The following NTM variants were observed in gnomAD, a reference collection of about 807,000 sequenced individuals.
The protein encoded by NTM is IgLON family member 2.
Under a neutral mutation model 42.1 loss-of-function variants are expected in NTM, and 13 were observed. The ratio of observed to expected loss-of-function variants is 0.31; its 90% CI spans 0.20 to 0.49. The LOEUF (loss-of-function observed/expected upper bound fraction) is 0.49. Among genes scored for constraint, NTM ranks in the 20% least tolerant of loss-of-function variants. The pLI is 0.99. For synonymous variants in NTM, 187 were observed against 179.2 expected (o/e 1.04, Z -0.35); for missense variants, 373 against 452.8 (o/e 0.82, Z 1.60).
At chr11:131,487,026 AC>A (rs1049034809) in intron 1 of NTM, among the ~76,000 whole-genome samples, 2 of 152,084 alleles carry the variant, frequency 1.3e-5, no homozygotes, top group Admixed American at 1.3e-4. Flanking sequence ...AGCACCACGC[AC>A]CCACTTGCTC....
chr11:131,856,930 A>T (rs546811226), intron 1 of NTM, among the ~76,000 whole-genome samples: 4 of 152,222 alleles, frequency 2.6e-5, no homozygotes, highest in Non-Finnish European at 4.4e-5. Context: ...GCTGGCAGCC[A>T]GGTATACATT....
chr11:131,732,445 A>T (rs1382353731), intron 1 of NTM, among the ~76,000 whole-genome samples: 1 of 152,150 alleles, frequency 6.6e-6, no homozygotes, highest in Non-Finnish European at 1.5e-5. Context: ...TGTCTTTCTC[A>T]GCCTCATTGG....
rs184464700 is a variant in NTM, at chr11:131,480,498, C to A, written c.82+109610C>A. On this transcript the variant is annotated intron_variant, in intron 1 of 8. Transcript: ENST00000683400. ...TTTGGGTCTCCCATGACGAAACTCA[C>A]GTGCAGCTTGTGTACAACTTCCCTA... is the stretch of plus-strand genomic sequence containing the variant. Among the ~76,000 whole-genome samples the A allele has an allele frequency of 3.3e-5, 5 of 152,316 alleles. No individual in the cohort carries two copies. In the East Asian group the frequency reaches 5.8e-4, roughly 18 times the overall value.
At position 131,807,078 on chromosome 11, in the gene NTM, A is replaced by C. The variant is rs371185507; in HGVS notation, c.83-104486A>C. ...GGAAGAAACACAGGGCAGTCAAGCT[A>C]AGAAGAGAAGGAACATTCCAGTCCA... is the stretch of plus-strand genomic sequence containing the variant. On this transcript the variant is annotated intron_variant, in intron 1 of 8. Transcript: ENST00000683400. Among the ~76,000 whole-genome samples, 3 of 152,284 alleles carry C rather than the reference A, an allele frequency of 2.0e-5. No individual in the cohort carries two copies. In the East Asian group the frequency reaches 5.8e-4, roughly 29 times the overall value.
chr11:131,750,045 C>T (rs112110143), intron 1 of NTM, among the ~76,000 whole-genome samples: 2 of 152,156 alleles, frequency 1.3e-5, no homozygotes, highest in African/African-American at 4.8e-5. Flanking sequence ...TGTCTGGGAA[C>T]CCTGTGAGCC....
intron 1 of NTM, among the ~76,000 whole-genome samples, chr11:131,720,404 T>A (rs789552): frequency 1.3e-5 from 2 of 152,202 alleles, no homozygotes; most frequent in East Asian, 1.9e-4. Context: ...GAGGTTGCCC[T>A]GGAAAACAGA....
chr11:132,055,141 T>G (rs942594603), intron 2 of NTM, among the ~76,000 whole-genome samples: 23 of 152,236 alleles, frequency 1.5e-4, no homozygotes, highest in African/African-American at 5.5e-4. Flanking sequence ...TTGGATCATA[T>G]GTGGCTGTTT....
At chr11:132,307,635 T>C (rs2095136491) in intron 4 of NTM, 54 bp from the exon 5 acceptor site, 3 of 1,607,614 alleles carry the variant, frequency 1.9e-6, no homozygotes, top group Non-Finnish European at 1.7e-6. Context: ...TAAGTGAACA[T>C]GTTTGGTCTT....
intron 1 of NTM, among the ~76,000 whole-genome samples, chr11:131,706,571 T>A (rs898672643): frequency 6.6e-6 from 1 of 152,016 alleles, no homozygotes; most frequent in African/African-American, 2.4e-5. Context: ...TTCTCCAGGA[T>A]TGATCATATA....
chr11:131,963,829 C>T (rs1341898581), intron 2 of NTM, among the ~76,000 whole-genome samples: 2 of 152,178 alleles, frequency 1.3e-5, no homozygotes, highest in Non-Finnish European at 2.9e-5. Flanking sequence ...ATTTAATCAT[C>T]AGAATGACAC....
chr11:131,507,537 C>T (rs1211739469), intron 1 of NTM, among the ~76,000 whole-genome samples: 6 of 152,022 alleles, frequency 3.9e-5, no homozygotes, highest in African/African-American at 9.7e-5. Flanking sequence ...CTTGGTGATG[C>T]GGGCTCTTTT....
chr11:131,709,531 A>G (rs1223550840), intron 1 of NTM, among the ~76,000 whole-genome samples: 1 of 152,226 alleles, frequency 6.6e-6, no homozygotes, highest in Non-Finnish European at 1.5e-5. Context: ...AGTCAAGATT[A>G]ACCTAAAAGT....
intron 1 of NTM, among the ~76,000 whole-genome samples, chr11:131,883,452 C>A (rs1342813043): frequency 6.6e-6 from 1 of 152,102 alleles, no homozygotes; most frequent in Non-Finnish European, 1.5e-5. Context: ...TCTCAGACAC[C>A]TTTGAGTTAT....
chr11:132,248,410 T>C (rs2091505272), intron 4 of NTM, among the ~76,000 whole-genome samples: 1 of 151,268 alleles, frequency 6.6e-6, no homozygotes, highest in Non-Finnish European at 1.5e-5. Flanking sequence ...TTTTTTCTCT[T>C]TCTTCTCCCC....
In NTM at chr11:131,500,586, T is replaced by A. The variant is rs1359404731; in HGVS notation, c.82+129698T>A. ...ATATATATATATATATATTTTTTTT[T>A]TTTTTTTTTGTATTATACTTTAAGT... On this transcript the variant is annotated intron_variant, in intron 1 of 8. Coordinates refer to ENST00000683400, the MANE Select transcript of NTM (RefSeq NM_001352005.2). 7.4e-3 allele frequency among the ~76,000 whole-genome samples: 415 copies of A among 56,336 alleles called. 6 individuals carry two copies. The highest frequency in any genetic ancestry group is 0.014 in the South Asian group (33 of 2,308). 37.0% of individuals were successfully genotyped at this position (56,336 alleles called of 152,430 possible).
At chr11:131,809,812 T>C (rs2092664178) in intron 1 of NTM, among the ~76,000 whole-genome samples, 1 of 152,192 alleles carries the variant, frequency 6.6e-6, no homozygotes, top group South Asian at 2.1e-4. Context: ...CAGCAGCCCT[T>C]CTGTGTCCCA....
In NTM at chr11:132,002,305, T is replaced by C. The variant is rs2069479297; in HGVS notation, c.167+90657T>C. Among the ~76,000 whole-genome samples, 1 of 152,172 alleles carries C rather than the reference T, an allele frequency of 6.6e-6. No homozygotes were observed. The highest frequency in any genetic ancestry group is 1.5e-5 in the Non-Finnish European group (1 of 68,022). ...CAAAAGCGATGAAATTTAATAATTA[T>C]TTAGTTATTTGGAACATTAATATGC... is the stretch of plus-strand genomic sequence containing the variant. On this transcript the variant is annotated intron_variant, in intron 2 of 8. Coordinates refer to ENST00000683400, the MANE Select transcript of NTM (RefSeq NM_001352005.2). This position sits in a 1 kb window ranked among gnomAD's most constrained non-coding sequence, Gnocchi z 4.5.
intron 1 of NTM, among the ~76,000 whole-genome samples, chr11:131,542,918 C>T (rs2053471486): frequency 6.6e-6 from 1 of 152,196 alleles, no homozygotes; most frequent in Non-Finnish European, 1.5e-5. Context: ...CACCCAGATC[C>T]TCTAGGGATG....
At chr11:131,682,311 A>C (rs1192168267) in intron 1 of NTM, among the ~76,000 whole-genome samples, 1 of 152,164 alleles carries the variant, frequency 6.6e-6, no homozygotes, top group Non-Finnish European at 1.5e-5. Flanking sequence ...GGCTGCTGTG[A>C]GGACTAATCT....
Sources: allele counts gnomAD v4.1 joint callset (sites outside exome capture counted in the v4.1 genomes callset), GRCh38; gene constraint gnomAD v4.1.1; non-coding constraint Gnocchi (gnomAD v3.1); transcripts MANE v1.5; gene names NCBI Gene and HGNC (gene_info 2026-07-23, HGNC 2026-07-21).